Variants in PRKAR2A observed in about 807,000 individuals in gnomAD.
PRKAR2A encodes protein kinase cAMP-dependent type II regulatory subunit alpha, also known as cAMP-dependent protein kinase type II-alpha regulatory subunit.
Under a neutral mutation model 51.9 loss-of-function variants are expected in PRKAR2A, and 29 were observed. That is an observed-to-expected ratio of 0.56 (90% confidence interval 0.42 to 0.76). PRKAR2A has a LOEUF of 0.76. Among genes scored for constraint, PRKAR2A ranks in the 30% least tolerant of loss-of-function variants. The pLI is 0.00. For missense variants in PRKAR2A, 445 were observed against 512.1 expected, an observed-to-expected ratio of 0.87 and a Z score of 1.26; for synonymous variants, 178 against 186.2, an observed-to-expected ratio of 0.96 and a Z score of 0.36.
At chr3:48,817,574 C>T (rs1293684454) in intron 1 of PRKAR2A, among the ~76,000 whole-genome samples, 5 of 149,492 alleles carry the variant, frequency 3.3e-5, no homozygotes, top group East Asian at 2.0e-4. Context: ...TTGAACCCGG[C>T]GGGTGGAGGT....
chr3:48,830,156 T>C (rs2083165055), intron 1 of PRKAR2A, among the ~76,000 whole-genome samples: 2 of 150,880 alleles, frequency 1.3e-5, no homozygotes, highest in African/African-American at 2.4e-5. Context: ...TGAGCCAAGA[T>C]CGTGCTATTG....
intron 3 of PRKAR2A, among the ~76,000 whole-genome samples, chr3:48,791,029 C>T (rs551700413): frequency 6.6e-6 from 1 of 152,264 alleles, no homozygotes; most frequent in South Asian, 2.1e-4. Flanking sequence ...TGGCTCATGC[C>T]TGTAATCCCA....
rs2081599433 is a variant in PRKAR2A at position 48,748,663 on chromosome 3, A to C, written c.*2922T>G. The C allele has an allele frequency of 6.6e-6, 1 of 152,236 alleles. No individual in the cohort carries two copies. Among genetic ancestry groups the C allele is most frequent in the African/African-American group, 2.4e-5 (1 of 41,432 alleles). 9.4% of individuals were successfully genotyped at this position (152,236 alleles called of 1,614,324 possible). A position where few individuals can be genotyped will look rare whatever the true frequency, so the allele number is the denominator to read the frequency against. ...GGGAGGAGGCATCTGCTCAGTGTTC[A>C]AACAAAATCCTTACAAGTTCTGGGG... On this transcript the variant is annotated 3_prime_UTR_variant, in exon 11 of 11. Coordinates refer to ENST00000265563, the MANE Select transcript of PRKAR2A (RefSeq NM_004157.4).
chr3:48,755,536 T>C (rs1393360031), intron 9 of PRKAR2A, among the ~76,000 whole-genome samples: 1 of 151,996 alleles, frequency 6.6e-6, no homozygotes, highest in African/African-American at 2.4e-5. Context: ...CTAACAGTGC[T>C]CTAACAAGGA....
chr3:48,754,394 C>T (rs913124606), intron 9 of PRKAR2A, among the ~76,000 whole-genome samples: 2 of 152,016 alleles, frequency 1.3e-5, no homozygotes, highest in African/African-American at 4.8e-5. Flanking sequence ...TGTGCCACCA[C>T]GCCCGGCTAA....
At chr3:48,836,442 A>AAAAAAAAG (rs2083287279) in intron 1 of PRKAR2A, among the ~76,000 whole-genome samples, 1 of 129,070 alleles carries the variant, frequency 7.7e-6, no homozygotes, top group African/African-American at 3.1e-5. Flanking sequence ...AAAAAAAAAA[A>AAAAAAAAG]AAGAAGAAGA....
At chr3:48,763,757 T>C (rs1033847085) in intron 8 of PRKAR2A, among the ~76,000 whole-genome samples, 8 of 152,222 alleles carry the variant, frequency 5.3e-5, no homozygotes, top group African/African-American at 1.9e-4. Context: ...ATTACTTCCA[T>C]TTCTATGTTC....
chr3:48,765,019 T>C lies in PRKAR2A; in HGVS notation c.858A>G (p.Glu286=). The change falls in exon 8 of 11, where the codon GAA becomes GAG. Residue 286 remains glutamate, a synonymous_variant. Transcript: ENST00000265563. ...VIGEKIYKDG[E]RIITQGEKAD... is the part of the protein sequence containing the mutation. ...CCTCACTCACCTGAGTGATTATGCG[T>C]TCTCCATCCTTATAGATCTTCTCTC... 6.2e-7 allele frequency: 1 copy of C among 1,614,138 alleles called. No homozygotes were observed.
chr3:48,847,552 C>A lies in PRKAR2A; in HGVS notation c.45G>T (p.Gln15His). ...GTCGCAGCACCTCCACCGTGTAGCC[C>A]TGCAGCAGCTCCGTGAGCCCCGGCG... ...QIPPGLTELL[Q>H]GYTVEVLRQQ... The change falls in exon 1 of 11, where the codon CAG (glutamine) becomes CAT (histidine). Residue 15 changes from glutamine (Q) to histidine (H), a missense_variant. Gln to His is a conservative substitution (Grantham distance 24). Transcript: ENST00000265563. This position sits in a 1 kb window ranked among gnomAD's most constrained non-coding sequence, Gnocchi z 4.4. 1 of 1,564,592 alleles carries A rather than the reference C, an allele frequency of 6.4e-7. No homozygotes were observed. The highest frequency in any genetic ancestry group is 1.2e-5 in the South Asian group (1 of 83,378).
intron 1 of PRKAR2A, among the ~76,000 whole-genome samples, chr3:48,832,219 G>A (rs1230820389): frequency 2.6e-5 from 4 of 151,234 alleles, no homozygotes; most frequent in African/African-American, 7.3e-5. Context: ...GCTTGAACCC[G>A]GGAGGTGGAG....
At chr3:48,779,609 C>T (rs988241881) in intron 5 of PRKAR2A, among the ~76,000 whole-genome samples, 10 of 151,298 alleles carry the variant, frequency 6.6e-5, no homozygotes, top group African/African-American at 2.2e-4. Context: ...GGTGAAACCC[C>T]ATCTCCACTA....
intron 4 of PRKAR2A, among the ~76,000 whole-genome samples, chr3:48,786,593 C>G (rs569403364): frequency 2.0e-5 from 3 of 148,732 alleles, no homozygotes; most frequent in East Asian, 2.0e-4. Flanking sequence ...GTCAGGAGAT[C>G]GAGACCATCC....
chr3:48,773,980 G>A (rs1215335069), intron 5 of PRKAR2A, among the ~76,000 whole-genome samples: 7 of 151,290 alleles, frequency 4.6e-5, no homozygotes, highest in African/African-American at 9.7e-5. Flanking sequence ...GACCACAGAC[G>A]TGTGCCACCA....
intron 6 of PRKAR2A, among the ~76,000 whole-genome samples, chr3:48,767,479 GA>G (rs1188888370): frequency 6.7e-6 from 1 of 148,954 alleles, no homozygotes; most frequent in Non-Finnish European, 1.5e-5. Flanking sequence ...ACCCTGCCTC[GA>G]AAAAAACAAA....
intron 1 of PRKAR2A, among the ~76,000 whole-genome samples, chr3:48,822,367 A>G (rs1324578011): frequency 6.6e-6 from 1 of 152,150 alleles, no homozygotes. Flanking sequence ...AGCATCTCCC[A>G]AACTTCCATG....
chr3:48,845,196 T>A (rs1353998691), intron 1 of PRKAR2A, among the ~76,000 whole-genome samples: 4 of 152,162 alleles, frequency 2.6e-5, no homozygotes, highest in Non-Finnish European at 4.4e-5. Flanking sequence ...AAATCTGAGA[T>A]CAAACAGGTT....
chr3:48,783,642 G>A (rs1450373603), intron 4 of PRKAR2A, among the ~76,000 whole-genome samples: 4 of 152,248 alleles, frequency 2.6e-5, no homozygotes, highest in Middle Eastern at 3.4e-3. Flanking sequence ...GTGCAGTGGT[G>A]TGATCTCAGC....
At chr3:48,778,242 C>T (rs748486270) in intron 5 of PRKAR2A, among the ~76,000 whole-genome samples, 28 of 152,082 alleles carry the variant, frequency 1.8e-4, no homozygotes, top group Non-Finnish European at 3.4e-4. Flanking sequence ...TAATCCATAT[C>T]GGCCTCCCAA....
chr3:48,774,111 G>T (rs2082070533), intron 5 of PRKAR2A, among the ~76,000 whole-genome samples: 1 of 151,978 alleles, frequency 6.6e-6, no homozygotes, highest in Non-Finnish European at 1.5e-5. Context: ...GGGATTAAAG[G>T]CATGAGCCAC....
Sources: gnomAD v4.1 joint callset for allele counts (sites outside exome capture counted in the v4.1 genomes callset) on GRCh38, gnomAD v4.1.1 for gene constraint, Gnocchi (gnomAD v3.1) non-coding constraint, MANE v1.5 for transcripts, NCBI Gene and HGNC (gene_info 2026-07-23, HGNC 2026-07-21) for gene names.